Variants in TENT2 observed in about 807,000 individuals in gnomAD.
The protein encoded by TENT2 is terminal nucleotidyltransferase 2.
TENT2 carries 44 observed loss-of-function variants against 72.2 expected under a neutral mutation model. The ratio of observed to expected loss-of-function variants is 0.61; its 90% CI spans 0.48 to 0.78. The LOEUF is 0.78. Ranked by LOEUF, TENT2 falls within the 30% of genes least tolerant of loss-of-function variation. TENT2 has a pLI of 0.00. For missense variants in TENT2, 541 were observed against 569.6 expected (o/e 0.95, Z 0.51); for synonymous variants, 212 against 192.5 (o/e 1.10, Z -0.84).
At chr5:79,645,904 G>C (rs926292882) in intron 8 of TENT2, among the ~76,000 whole-genome samples, 5 of 152,038 alleles carry the variant, frequency 3.3e-5, no homozygotes, top group African/African-American at 1.2e-4. Context: ...TCACGAATTT[G>C]CCTACTTGCT....
chr5:79,624,755 T>A (rs1392215098), intron 4 of TENT2, among the ~76,000 whole-genome samples: 1 of 152,226 alleles, frequency 6.6e-6, no homozygotes, highest in African/African-American at 2.4e-5. Flanking sequence ...TTTTTATAGC[T>A]GAATAATACT....
chr5:79,661,734 C>T (rs759861451), intron 11 of TENT2, among the ~76,000 whole-genome samples: 1 of 152,160 alleles, frequency 6.6e-6, no homozygotes, highest in Non-Finnish European at 1.5e-5. Context: ...CCTGACTGAT[C>T]AGAGTGGTGG....
rs929420022 is a variant in TENT2 at position 79,616,530 on chromosome 5, C to A, written c.-37-3082C>A. On this transcript the variant is annotated intron_variant, in intron 1 of 14. Coordinates refer to ENST00000453514, the MANE Select transcript of TENT2 (RefSeq NM_001114394.3). ...ATGGGGTTTTACCGTGTTGCCCAGG[C>A]TGGTCTTTAACTCCTGGGCTCAAAC... Among the ~76,000 whole-genome samples the A allele has an allele frequency of 1.2e-4, 19 of 152,160 alleles. 1 individual carries two copies. The highest frequency in any genetic ancestry group is 5.9e-4 in the Admixed American group (9 of 15,274).
At position 79,679,588 on chromosome 5, in the gene TENT2, T is replaced by C. The variant is rs777137769; in HGVS notation, c.1218T>C (p.Ser406=). The C allele has an allele frequency of 1.8e-5, 29 of 1,593,802 alleles. No individual in the cohort carries two copies. In the Admixed American group the frequency reaches 4.9e-4, roughly 27 times the overall value. The change falls in exon 13 of 15, where the codon AGT becomes AGC. Residue 406 remains serine (S), a synonymous_variant. Coordinates refer to ENST00000453514, the MANE Select transcript of TENT2 (RefSeq NM_001114394.3). ...KYYATEFDWN[S]QMISVREAKA... is the part of the protein sequence containing the mutation. ...GTTTTTCTTCTTATAGCTGGAATAG[T>C]CAAATGATTTCAGTTCGTGAAGCCA... is the stretch of plus-strand genomic sequence containing the variant.
At chr5:79,676,189 C>CACAG (rs1166897999) in intron 12 of TENT2, among the ~76,000 whole-genome samples, 28 of 148,332 alleles carry the variant, frequency 1.9e-4, no homozygotes, top group African/African-American at 7.1e-4. Flanking sequence ...CACACACACA[C>CACAG]AGCCATATGG....
intron 11 of TENT2, chr5:79,668,644 C>T (rs535141165): frequency 1.9e-5 from 7 of 364,680 alleles, no homozygotes; most frequent in Admixed American, 4.2e-5. Context: ...TGCTAAATAG[C>T]GATCTGTTTG....
At chr5:79,663,334 C>T (rs888491660) in intron 11 of TENT2, among the ~76,000 whole-genome samples, 13 of 152,156 alleles carry the variant, frequency 8.5e-5, no homozygotes, top group Admixed American at 4.6e-4. Context: ...CCTTTGCATT[C>T]GCAGCCTGGC....
At chr5:79,667,372 A>T (rs1023213895) in intron 11 of TENT2, among the ~76,000 whole-genome samples, 4 of 152,196 alleles carry the variant, frequency 2.6e-5, no homozygotes, top group African/African-American at 9.7e-5. Context: ...TTTAAATTTT[A>T]TAATTTTAAA....
At position 79,620,053 on chromosome 5, in the gene TENT2, C is replaced by T. The variant is rs753842190; in HGVS notation, c.197C>T (p.Thr66Ile). 2.5e-6 allele frequency: 4 copies of T among 1,610,148 alleles called. No homozygotes were observed. Among genetic ancestry groups the T allele is most frequent in the Non-Finnish European group, 1.7e-6 (2 of 1,177,256 alleles). Residue 66 changes from threonine to isoleucine, a missense_variant, in exon 3 of 15, where the codon ACC becomes ATC. By Grantham distance (89) the Thr-to-Ile change is moderately conservative. Coordinates refer to ENST00000453514, the MANE Select transcript of TENT2 (RefSeq NM_001114394.3). The stretch of plus-strand genomic sequence containing the variant: ...TATGGAAATGTCAGTCCAATACAGA[C>T]CTCAGCTTCCCCATTATTTCGAGGA... ...LTYGNVSPIQ[T>I]SASPLFRGRK... is the part of the protein sequence containing the mutation.
intron 11 of TENT2, among the ~76,000 whole-genome samples, chr5:79,657,631 A>G (rs918222806): frequency 6.6e-6 from 1 of 152,196 alleles, no homozygotes; most frequent in South Asian, 2.1e-4. Flanking sequence ...TTCATAATCT[A>G]TAAGAATCCT....
intron 4 of TENT2, among the ~76,000 whole-genome samples, chr5:79,638,898 T>A (rs1015737359): frequency 1.3e-5 from 2 of 152,210 alleles, no homozygotes; most frequent in African/African-American, 4.8e-5. Context: ...CATTGCCAAA[T>A]TGCCCAGAAT....
Position 79,619,783 on chromosome 5 carries a change from A to G in TENT2, c.135A>G (p.Ala45=). ...ATGCACAATTCAACTTTCAGAATGC[A>G]GAGTGAGTATGGTGATATTTTGGCC... ...LIDAQFNFQN[A]DLSRAVSLQQ... The change falls in exon 2 of 15, where the codon GCA becomes GCG. Residue 45 remains alanine, a splice_region_variant and synonymous_variant. Transcript: ENST00000453514. 1 of 1,612,636 alleles carries G rather than the reference A, an allele frequency of 6.2e-7. No homozygotes were observed. Among genetic ancestry groups the G allele is most frequent in the Non-Finnish European group, 8.5e-7 (1 of 1,179,256 alleles).
chr5:79,664,221 A>G (rs1033928716), intron 11 of TENT2, among the ~76,000 whole-genome samples: 1 of 152,160 alleles, frequency 6.6e-6, no homozygotes, highest in Non-Finnish European at 1.5e-5. Flanking sequence ...ACATATATAT[A>G]GCAACTTTTT....
At chr5:79,655,285 C>T (rs547784406) in intron 10 of TENT2, among the ~76,000 whole-genome samples, 1 of 152,018 alleles carries the variant, frequency 6.6e-6, no homozygotes. Flanking sequence ...TTAATGATAA[C>T]CCTGCCTCCA....
chr5:79,667,008 C>T (rs1023105696), intron 11 of TENT2, among the ~76,000 whole-genome samples: 2 of 152,062 alleles, frequency 1.3e-5, no homozygotes, highest in Admixed American at 6.6e-5. Context: ...TGTGTGTGAC[C>T]GTGAAAAAGA....
At chr5:79,660,928 C>T (rs775835214) in intron 11 of TENT2, among the ~76,000 whole-genome samples, 7 of 151,718 alleles carry the variant, frequency 4.6e-5, no homozygotes, top group East Asian at 1.9e-4. Context: ...GTGATGATCC[C>T]GATACTGTGT....
chr5:79,654,677 T>G (rs185516696), intron 10 of TENT2, among the ~76,000 whole-genome samples: 3 of 152,008 alleles, frequency 2.0e-5, no homozygotes, highest in Admixed American at 1.3e-4. Context: ...GGCATGAGAA[T>G]CACTTGAATT....
chr5:79,663,282 C>A (rs4704572), intron 11 of TENT2, among the ~76,000 whole-genome samples: 30,689 of 152,010 alleles, frequency 0.2, 4,553 homozygotes, highest in African/African-American at 0.42. Context: ...ATCATTGATG[C>A]GTTCACTGGA....
At chr5:79,675,778 C>G (rs578224915) in intron 12 of TENT2, among the ~76,000 whole-genome samples, 1 of 152,208 alleles carries the variant, frequency 6.6e-6, no homozygotes, top group African/African-American at 2.4e-5. Flanking sequence ...ACAGAGATGC[C>G]TATAGGACAT....
Sources: allele counts gnomAD v4.1 joint callset (sites outside exome capture counted in the v4.1 genomes callset), GRCh38; gene constraint gnomAD v4.1.1; transcripts MANE v1.5; gene names NCBI Gene and HGNC (gene_info 2026-07-23, HGNC 2026-07-21).